The following CAPN7 variants were observed in gnomAD, a reference collection of about 807,000 sequenced individuals.
CAPN7 encodes calpain-7.
A neutral mutation model predicts 115.2 loss-of-function variants in CAPN7; 72 were observed. That is an observed-to-expected ratio of 0.63 (90% CI 0.52 to 0.76). The LOEUF (loss-of-function observed/expected upper bound fraction) is 0.76, where lower values mean the gene tolerates loss of function less well. Among genes scored for constraint, CAPN7 ranks in the 30% least tolerant of loss-of-function variants. CAPN7 has a pLI of 0.00. For missense variants in CAPN7, 905 were observed against 971.5 expected (o/e 0.93, Z 0.91); for synonymous variants, 344 against 322.3 (o/e 1.07, Z -0.72).
chr3:15,226,321 G>T (rs997886933), intron 6 of CAPN7, among the ~76,000 whole-genome samples: 9 of 152,050 alleles, frequency 5.9e-5, no homozygotes, highest in South Asian at 4.1e-4. Context: ...TGATCCGCCC[G>T]CCTCAGCCTC....
At position 15,240,080 on chromosome 3, in the gene CAPN7, T is replaced by C. The variant is rs73025344; in HGVS notation, c.1408-393T>C. ...TGAAAAGGCAGAAAATACTTCATGC[T>C]CTAAGGCAGTACTGTCTAATAGAAC... On this transcript the variant is annotated intron_variant, in intron 12 of 20. Transcript: ENST00000253693. Among the ~76,000 whole-genome samples, 576 of 152,322 alleles carry C rather than the reference T, an allele frequency of 3.8e-3. 4 individuals are homozygous for C. Among genetic ancestry groups the C allele is most frequent in the Admixed American group, 6.3e-3 (96 of 15,300 alleles).
At chr3:15,233,191 G>A (rs1694794555) in intron 10 of CAPN7, among the ~76,000 whole-genome samples, 1 of 152,042 alleles carries the variant, frequency 6.6e-6, no homozygotes, top group Non-Finnish European at 1.5e-5. Flanking sequence ...CATAATATAA[G>A]GATAATATCC....
chr3:15,226,112 GTCACTC>G (rs1377289863), intron 6 of CAPN7, among the ~76,000 whole-genome samples: 1 of 151,986 alleles, frequency 6.6e-6, no homozygotes, highest in Non-Finnish European at 1.5e-5. Context: ...GTCTCACTCT[GTCACTC>G]AGGCTAGAGT....
At chr3:15,249,018 A>AAAC (rs1559414368) in intron 19 of CAPN7, among the ~76,000 whole-genome samples, 1 of 150,004 alleles carries the variant, frequency 6.7e-6, no homozygotes, top group African/African-American at 2.5e-5. Flanking sequence ...AAAAAAAAAA[A>AAAC]AAAAAACAAA....
At chr3:15,238,975 T>G (rs1342878414) in intron 12 of CAPN7, among the ~76,000 whole-genome samples, 1 of 151,484 alleles carries the variant, frequency 6.6e-6, no homozygotes. Context: ...GCTGGGGGTC[T>G]GTCTCTGAAA....
chr3:15,251,029 G>A lies in CAPN7; in HGVS notation c.2297+6G>A. On this transcript the variant is annotated splice_donor_region_variant and intron_variant, in intron 20 of 20. Transcript: ENST00000253693. Reference sequence around the variant, plus strand: ...AAATCTAGTGGTGACTATAGGTAATGTTGGCATTTTTATTGTATCTATTTT... The same window carrying A: ...AAATCTAGTGGTGACTATAGGTAATATTGGCATTTTTATTGTATCTATTTT... The A allele has an allele frequency of 6.2e-7, 1 of 1,608,238 alleles. No homozygotes were observed.
intron 4 of CAPN7, among the ~76,000 whole-genome samples, chr3:15,219,583 A>T (rs574207639): frequency 2.6e-5 from 4 of 152,222 alleles, no homozygotes; most frequent in Admixed American, 2.6e-4. Flanking sequence ...CAATATTCTC[A>T]AGTGCACCCT....
intron 5 of CAPN7, among the ~76,000 whole-genome samples, chr3:15,223,173 C>G (rs1490640050): frequency 2.0e-5 from 3 of 152,128 alleles, no homozygotes; most frequent in Non-Finnish European, 2.9e-5. Flanking sequence ...TCCCTTTAGG[C>G]TTAGCATAGA....
chr3:15,246,814 T>A lies in CAPN7; in HGVS notation c.2073+20T>A. On this transcript the variant is annotated intron_variant, in intron 18 of 20. Coordinates refer to ENST00000253693, the MANE Select transcript of CAPN7 (RefSeq NM_014296.3). ...AAACGGGTGAGAAAATTCATTTGGTTGTAATCTCAGCATTCTTTTAGAATT... is the reference window on the plus strand; with the variant it reads ...AAACGGGTGAGAAAATTCATTTGGTAGTAATCTCAGCATTCTTTTAGAATT... The A allele has an allele frequency of 6.5e-7, 1 of 1,537,826 alleles. No homozygotes were observed. The highest frequency in any genetic ancestry group is 8.9e-7 in the Non-Finnish European group (1 of 1,119,822).
chr3:15,240,414 C>G, intron 12 of CAPN7, 59 bp from the exon 13 acceptor site: 1 of 1,467,170 alleles, frequency 6.8e-7, no homozygotes, highest in Non-Finnish European at 9.4e-7. Context: ...AATAAGAGAA[C>G]TAATATGGTA....
chr3:15,232,033 G>T, intron 9 of CAPN7: 1 of 267,890 alleles, frequency 3.7e-6, no homozygotes, highest in Admixed American at 5.7e-5. Context: ...AATATAGGTT[G>T]AGTATCCCTT....
chr3:15,242,766 T>C (rs1695426690), intron 16 of CAPN7, among the ~76,000 whole-genome samples: 1 of 152,206 alleles, frequency 6.6e-6, no homozygotes, highest in South Asian at 2.1e-4. Context: ...CCTATTCTGC[T>C]TAATGCACAT....
intron 16 of CAPN7, among the ~76,000 whole-genome samples, chr3:15,243,596 C>G (rs566193900): frequency 6.6e-6 from 1 of 152,066 alleles, no homozygotes; most frequent in Non-Finnish European, 1.5e-5. Context: ...GAACAGAGGG[C>G]CTGATGAAAC....
rs1363986855 is a variant in CAPN7 at position 15,206,421 on chromosome 3, C to T, written c.-75C>T. Reference sequence around the variant, plus strand: ...GGCGCTCCCGAGTCCTCGCCGCCGCCGGGCCGCCGCAGTCCGCGAAGAGCC... The same window carrying T: ...GGCGCTCCCGAGTCCTCGCCGCCGCTGGGCCGCCGCAGTCCGCGAAGAGCC... On this transcript the variant is annotated 5_prime_UTR_variant, in exon 1 of 21. Transcript: ENST00000253693. 10 of 1,168,988 alleles carry T rather than the reference C, an allele frequency of 8.6e-6. No individual in the cohort carries two copies. The highest frequency in any genetic ancestry group is 1.2e-5 in the Non-Finnish European group (10 of 823,214). The allele number at this position is 1,168,988 out of a possible 1,614,324, so 72.4% of individuals were successfully genotyped here.
At chr3:15,227,683 C>CTA (rs948295249) in intron 6 of CAPN7, among the ~76,000 whole-genome samples, 156 bp from the exon 7 acceptor site, 2 of 151,726 alleles carry the variant, frequency 1.3e-5, no homozygotes, top group African/African-American at 4.8e-5. Flanking sequence ...TGACTGGACT[C>CTA]TATAAAGAGC....
intron 19 of CAPN7, among the ~76,000 whole-genome samples, chr3:15,248,280 A>G (rs535788089): frequency 6.6e-6 from 1 of 152,362 alleles, no homozygotes; most frequent in Admixed American, 6.5e-5. Context: ...TTGGAAACAT[A>G]TATTCATTGA....
At chr3:15,238,821 T>C (rs1695160904) in intron 12 of CAPN7, among the ~76,000 whole-genome samples, 1 of 151,664 alleles carries the variant, frequency 6.6e-6, no homozygotes, top group East Asian at 1.9e-4. Context: ...GAAATAACTT[T>C]AGAAATTGGA....
At chr3:15,246,564 G>C (rs1695670102) in intron 17 of CAPN7, 168 bp from the exon 18 acceptor site, 4 of 588,228 alleles carry the variant, frequency 6.8e-6, no homozygotes, top group Non-Finnish European at 1.2e-5. Context: ...GCCAAGACCA[G>C]ACCCCTAGCT....
chr3:15,247,880 A>G (rs1695763227), intron 19 of CAPN7, among the ~76,000 whole-genome samples: 1 of 152,222 alleles, frequency 6.6e-6, no homozygotes, highest in Admixed American at 6.5e-5. Context: ...TTGTAGGGAC[A>G]TGGATGAAAT....
Sources: allele counts gnomAD v4.1 joint callset (sites outside exome capture counted in the v4.1 genomes callset), GRCh38; gene constraint gnomAD v4.1.1; transcripts MANE v1.5; gene names NCBI Gene and HGNC (gene_info 2026-07-23, HGNC 2026-07-21).